Variants in PRKCE observed in about 807,000 individuals in gnomAD.
PRKCE encodes protein kinase C epsilon type.
A neutral mutation model predicts 85.4 loss-of-function variants in PRKCE; 16 were observed. The observed-to-expected ratio is 0.19, with a 90% CI of 0.13 to 0.28. PRKCE has a LOEUF of 0.28. Among genes scored for constraint, PRKCE ranks in the 10% least tolerant of loss-of-function variants. The probability of loss-of-function intolerance (pLI) is 1.00; values close to 1 mark genes in which losing one functional copy is unlikely to be tolerated. For synonymous variants in PRKCE, 388 were observed against 371.5 expected (o/e 1.04, Z -0.51); for missense variants, 573 against 975.2 (o/e 0.59, Z 5.49).
chr2:45,950,257 A>C (rs1371870711), intron 2 of PRKCE, among the ~76,000 whole-genome samples: 1 of 152,210 alleles, frequency 6.6e-6, no homozygotes, highest in Non-Finnish European at 1.5e-5. Flanking sequence ...ACTGAAAATC[A>C]ATATATTTAC....
chr2:46,008,645 C>T (rs1408042279), intron 9 of PRKCE, among the ~76,000 whole-genome samples: 1 of 152,154 alleles, frequency 6.6e-6, no homozygotes, highest in African/African-American at 2.4e-5. Flanking sequence ...TCTCACCTGC[C>T]CCTATCTCAC....
At chr2:46,034,633 G>T (rs1279950100) in intron 10 of PRKCE, among the ~76,000 whole-genome samples, 4 of 152,138 alleles carry the variant, frequency 2.6e-5, no homozygotes, top group Non-Finnish European at 5.9e-5. Context: ...TGTAGCCTTG[G>T]GAGCACGCCG....
intron 2 of PRKCE, among the ~76,000 whole-genome samples, chr2:45,844,195 A>G (rs1340283057): frequency 6.6e-6 from 1 of 152,244 alleles, no homozygotes; most frequent in Non-Finnish European, 1.5e-5. Context: ...AGGTATTCGG[A>G]AGAATTCAAT....
At chr2:46,009,955 C>T (rs909564664) in intron 9 of PRKCE, among the ~76,000 whole-genome samples, 6 of 152,220 alleles carry the variant, frequency 3.9e-5, no homozygotes, top group Admixed American at 3.9e-4. Context: ...TATGAATAAC[C>T]ATTCAACAGA....
chr2:45,995,867 A>G (rs1462878623), intron 6 of PRKCE, among the ~76,000 whole-genome samples: 11 of 152,146 alleles, frequency 7.2e-5, no homozygotes. Context: ...GCCTCTCCAT[A>G]TAAACTTTAG....
chr2:46,124,486 A>G (rs937703386), intron 11 of PRKCE, among the ~76,000 whole-genome samples: 1 of 152,194 alleles, frequency 6.6e-6, no homozygotes, highest in Non-Finnish European at 1.5e-5. Flanking sequence ...ATCCACTGAT[A>G]CTAATATAAA....
chr2:46,038,715 T>C (rs1264262416), intron 10 of PRKCE, among the ~76,000 whole-genome samples: 1 of 151,034 alleles, frequency 6.6e-6, no homozygotes, highest in Admixed American at 6.6e-5. Context: ...TTTCCAGATA[T>C]TTCCTTGCGA....
At chr2:45,676,922 A>G (rs1180681930) in intron 1 of PRKCE, 1 of 152,214 alleles carries the variant, frequency 6.6e-6, no homozygotes, top group African/African-American at 2.4e-5. Context: ...CTCATGCTCC[A>G]ATTGGGGGAC....
At position 45,895,925 on chromosome 2, in the gene PRKCE, C is replaced by T. The variant is rs989615972; in HGVS notation, c.412+52862C>T. The stretch of plus-strand genomic sequence containing the variant: ...TGTCTGGGCTGTGGCTGAAGTTCAC[C>T]GTGTGACACTGTCCACGAGGAAGGC... On this transcript the variant is annotated intron_variant, in intron 2 of 14. Coordinates refer to ENST00000306156, the MANE Select transcript of PRKCE (RefSeq NM_005400.3). The surrounding 1 kb of genome is among the most constrained non-coding windows in gnomAD (Gnocchi z 4.8). Among the ~76,000 whole-genome samples the T allele has an allele frequency of 1.3e-5, 2 of 152,140 alleles. No individual in the cohort carries two copies. Among genetic ancestry groups the T allele is most frequent in the African/African-American group, 4.8e-5 (2 of 41,416 alleles).
At chr2:46,136,691 A>G (rs927649873) in intron 11 of PRKCE, among the ~76,000 whole-genome samples, 2 of 152,202 alleles carry the variant, frequency 1.3e-5, no homozygotes, top group African/African-American at 4.8e-5. Flanking sequence ...AAGCTGTCGC[A>G]TGAATCCTGT....
intron 10 of PRKCE, among the ~76,000 whole-genome samples, chr2:46,047,797 A>G (rs1317756772): frequency 2.0e-5 from 3 of 152,170 alleles, no homozygotes; most frequent in African/African-American, 7.2e-5. Flanking sequence ...AATAGGGAGG[A>G]TATCTTGGCT....
At chr2:45,766,392 G>C (rs1377928451) in intron 1 of PRKCE, among the ~76,000 whole-genome samples, 2 of 152,174 alleles carry the variant, frequency 1.3e-5, no homozygotes, top group East Asian at 3.9e-4. Context: ...TCCAGTAAGA[G>C]AAAAAGCCCT....
At chr2:45,878,435 G>T (rs763640269) in intron 2 of PRKCE, among the ~76,000 whole-genome samples, 1 of 152,174 alleles carries the variant, frequency 6.6e-6, no homozygotes, top group South Asian at 2.1e-4. Context: ...GTATACTCAG[G>T]GGGGATGATC....
chr2:46,072,395 A>T (rs1208175628), intron 10 of PRKCE, among the ~76,000 whole-genome samples: 1 of 152,258 alleles, frequency 6.6e-6, no homozygotes, highest in Non-Finnish European at 1.5e-5. Flanking sequence ...GGGATTTAGC[A>T]GAGTGGAGAT....
chr2:45,676,476 AT>A (rs1254473746), intron 1 of PRKCE, among the ~76,000 whole-genome samples: 3 of 152,218 alleles, frequency 2.0e-5, no homozygotes, highest in Non-Finnish European at 4.4e-5. Context: ...TAAGGATTAT[AT>A]TTTTGCATTA....
At chr2:45,778,655 G>A (rs1685947694) in intron 1 of PRKCE, among the ~76,000 whole-genome samples, 1 of 152,090 alleles carries the variant, frequency 6.6e-6, no homozygotes, top group Non-Finnish European at 1.5e-5. Context: ...TCAAGCCAAC[G>A]TCTATTCCAC....
At chr2:46,093,602 C>T (rs1670398014) in intron 11 of PRKCE, among the ~76,000 whole-genome samples, 1 of 151,014 alleles carries the variant, frequency 6.6e-6, no homozygotes, top group Admixed American at 6.6e-5. Context: ...AATGATAGCT[C>T]ACTGCAACCT....
intron 1 of PRKCE, among the ~76,000 whole-genome samples, chr2:45,703,538 T>TAA (rs35768098): frequency 2.6e-4 from 37 of 144,342 alleles, no homozygotes; most frequent in Non-Finnish European, 3.5e-4. Flanking sequence ...ACCTTGTCTC[T>TAA]AAAAAAAAAA....
At chr2:45,780,852 A>G (rs1056444327) in intron 1 of PRKCE, among the ~76,000 whole-genome samples, 1 of 152,200 alleles carries the variant, frequency 6.6e-6, no homozygotes, top group Admixed American at 6.5e-5. Context: ...AAATATCACA[A>G]AAATGCTGTC....
Sources: gnomAD v4.1 joint callset for allele counts (sites outside exome capture counted in the v4.1 genomes callset) on GRCh38, gnomAD v4.1.1 for gene constraint, Gnocchi (gnomAD v3.1) non-coding constraint, MANE v1.5 for transcripts, NCBI Gene and HGNC (gene_info 2026-07-23, HGNC 2026-07-21) for gene names.